Variants in KIF13B observed in about 807,000 individuals in gnomAD.
The protein encoded by KIF13B is kinesin family member 13B.
In KIF13B, 127 loss-of-function variants were observed where a neutral mutation model predicts 222.0. The observed-to-expected ratio is 0.57, with a 90% CI of 0.50 to 0.66. The LOEUF is 0.66. Ranked by LOEUF, KIF13B falls within the 30% of genes least tolerant of loss-of-function variation. The pLI is 0.00. For missense variants in KIF13B, 2,173 were observed against 2,379.0 expected, an observed-to-expected ratio of 0.91 and a Z score of 1.80; for synonymous variants, 976 against 919.0, an observed-to-expected ratio of 1.06 and a Z score of -1.12.
rs1586889696 is a variant in KIF13B at position 29,180,370 on chromosome 8, C to T, written c.586-132G>A. On this transcript the variant is annotated intron_variant, in intron 7 of 39. Coordinates refer to ENST00000524189, the MANE Select transcript of KIF13B (RefSeq NM_015254.4). ...CATTTGGAGTTAACATTTTGTTTCT[C>T]AATGAATATTGAGCCCCATGGAGTA... 3.3e-6 allele frequency: 3 copies of T among 918,438 alleles called. No individual in the cohort carries two copies. In the East Asian group the frequency reaches 7.3e-5, roughly 22 times the overall value. 56.9% of individuals were successfully genotyped at this position (918,438 alleles called of 1,614,324 possible).
At chr8:29,190,906 TGG>T in intron 4 of KIF13B, 89 bp downstream of exon 4, 2 of 933,144 alleles carry the variant, frequency 2.1e-6, no homozygotes, top group Non-Finnish European at 3.6e-6. Context: ...ACACACAGTT[TGG>T]GGGGTTTGCC....
chr8:29,261,022 C>G (rs1342415700), intron 1 of KIF13B, among the ~76,000 whole-genome samples: 1 of 152,118 alleles, frequency 6.6e-6, no homozygotes, highest in Admixed American at 6.6e-5. Context: ...TTTATGTGAA[C>G]AATTACTTCA....
intron 2 of KIF13B, among the ~76,000 whole-genome samples, chr8:29,220,834 T>A (rs1170762648): frequency 6.6e-6 from 1 of 152,146 alleles, no homozygotes; most frequent in Non-Finnish European, 1.5e-5. Context: ...TATCAATACG[T>A]TATGTAAAAA....
Position 29,088,606 on chromosome 8 carries a change from T to TCA in KIF13B, c.4458+4137_4458+4138dup, listed in dbSNP as rs141835109. Among the ~76,000 whole-genome samples, 1,462 of 152,264 alleles carry TCA rather than the reference T, an allele frequency of 9.6e-3. 19 individuals are homozygous for TCA. The highest frequency in any genetic ancestry group is 0.033 in the African/African-American group (1,373 of 41,536). On this transcript the variant is annotated intron_variant, in intron 37 of 39. Coordinates refer to ENST00000524189, the MANE Select transcript of KIF13B (RefSeq NM_015254.4). Reference sequence around the variant, plus strand: ...ATTGTGAAAATCACAAATCTGATTTTCAAGTGCATGGAACTCCATTATAAC... The same window carrying TCA: ...ATTGTGAAAATCACAAATCTGATTTTCACAAGTGCATGGAACTCCATTATAAC...
intron 21 of KIF13B, among the ~76,000 whole-genome samples, chr8:29,137,400 TC>T (rs757264803): frequency 6.6e-6 from 1 of 152,194 alleles, no homozygotes; most frequent in Non-Finnish European, 1.5e-5. Context: ...ATCACAGACT[TC>T]AACTTGCAGC....
chr8:29,245,655 C>T (rs1285587562), intron 1 of KIF13B, among the ~76,000 whole-genome samples: 1 of 152,182 alleles, frequency 6.6e-6, no homozygotes, highest in Non-Finnish European at 1.5e-5. Context: ...GCTTCCCACC[C>T]TACATCAGGA....
chr8:29,107,402 C>T (rs1232834702), intron 35 of KIF13B, among the ~76,000 whole-genome samples: 1 of 151,900 alleles, frequency 6.6e-6, no homozygotes, highest in African/African-American at 2.4e-5. Flanking sequence ...GTGGCATGCA[C>T]CTGTAATCCC....
rs753904519 is a variant in KIF13B, at chr8:29,118,875, T to C, written c.3653A>G (p.Asp1218Gly). ...AAGTTAGGCTTTCCTTACCTCCCCA[T>C]CATGCTGCTTCACAATCTGCAATTC... ...FFELQIVKQH[D>G]GEVKAEASWD... The change falls in exon 30 of 40, where the codon GAT (aspartate) becomes GGT (glycine). Residue 1218 changes from aspartate to glycine, a missense_variant. By Grantham distance (94) the Asp-to-Gly change is moderately conservative. Around this residue, in one of 2 missense-constraint regions of KIF13B, gnomAD observed 1,480 missense variants for 1,722.8 expected, o/e 0.86. Transcript: ENST00000524189. 6.2e-7 allele frequency: 1 copy of C among 1,613,894 alleles called. No individual in the cohort carries two copies. Among genetic ancestry groups the C allele is most frequent in the South Asian group, 1.1e-5 (1 of 91,056 alleles).
At chr8:29,243,724 A>G (rs1056705468) in intron 2 of KIF13B, among the ~76,000 whole-genome samples, 2 of 152,186 alleles carry the variant, frequency 1.3e-5, no homozygotes, top group Non-Finnish European at 2.9e-5. Flanking sequence ...TTGCCATGCT[A>G]GCAACGTTCT....
intron 16 of KIF13B, 71 bp downstream of exon 16, chr8:29,148,506 C>T (rs1811159380): frequency 2.5e-6 from 3 of 1,187,402 alleles, no homozygotes; most frequent in Non-Finnish European, 3.5e-6. Context: ...AACTCCTGGG[C>T]TCAAGCGATC....
At chr8:29,232,725 G>A (rs541053386) in intron 2 of KIF13B, among the ~76,000 whole-genome samples, 1 of 152,046 alleles carries the variant, frequency 6.6e-6, no homozygotes. Context: ...TTTGTCAAAG[G>A]CTTCTTGCTT....
At position 29,119,004 on chromosome 8, in the gene KIF13B, G is replaced by T. The variant is rs1229877528; in HGVS notation, c.3536-12C>A. Reference sequence around the variant, plus strand: ...GCTGAAATCATCAGCTAAAAGCAAAGAAGTTCCATTAAATACTGAGATCAT... The same window carrying T: ...GCTGAAATCATCAGCTAAAAGCAAATAAGTTCCATTAAATACTGAGATCAT... On this transcript the variant is annotated splice_polypyrimidine_tract_variant and intron_variant, in intron 29 of 39. Coordinates refer to ENST00000524189, the MANE Select transcript of KIF13B (RefSeq NM_015254.4). The T allele has an allele frequency of 8.1e-6, 13 of 1,611,178 alleles. No individual in the cohort carries two copies. The highest frequency in any genetic ancestry group is 1.0e-5 in the Non-Finnish European group (12 of 1,179,002).
chr8:29,072,078 T>C lies in KIF13B; in HGVS notation c.4760A>G (p.Asp1587Gly). ...CATGGACCCCGGCGGGGCCGCAGCG[T>C]CCAGGCCGGGGCCCAGGGCGTCCGA... is the stretch of plus-strand genomic sequence containing the variant. ...TLSDALGPGL[D>G]AAAPPGSMPT... The change falls in exon 39 of 40, where the codon GAC becomes GGC. Residue 1587 changes from aspartate (D) to glycine (G), a missense_variant. By Grantham distance (94) the Asp-to-Gly change is moderately conservative. Transcript: ENST00000524189. 1 of 1,333,116 alleles carries C rather than the reference T, an allele frequency of 7.5e-7. No homozygotes were observed. Among genetic ancestry groups the C allele is most frequent in the Non-Finnish European group, 9.6e-7 (1 of 1,040,374 alleles). The allele number at this position is 1,333,116 out of a possible 1,614,324, so 82.6% of individuals were successfully genotyped here.
chr8:29,123,928 G>A (rs1285987373), intron 27 of KIF13B, 96 bp downstream of exon 27: 1 of 731,366 alleles, frequency 1.4e-6, no homozygotes, highest in Non-Finnish European at 2.4e-6. Context: ...TTACTGATGT[G>A]TTCATCTGGT....
intron 21 of KIF13B, 65 bp from the exon 22 acceptor site, chr8:29,134,275 G>T: frequency 6.6e-7 from 1 of 1,515,552 alleles, no homozygotes; most frequent in Non-Finnish European, 9.1e-7. Context: ...CAGAGTTGCA[G>T]GTTCCAGCCC....
At chr8:29,235,711 C>A (rs930139480) in intron 2 of KIF13B, among the ~76,000 whole-genome samples, 1 of 152,152 alleles carries the variant, frequency 6.6e-6, no homozygotes, top group African/African-American at 2.4e-5. Context: ...ATGCCACCTA[C>A]GTAGTGGCAT....
chr8:29,154,984 C>T lies in KIF13B; in HGVS notation c.1535+742G>A, dbSNP rs76903741. On this transcript the variant is annotated intron_variant, in intron 14 of 39. Transcript: ENST00000524189. ...AACATAATTCAGTTAACCACTGTCT[C>T]TAACAGTTACAGACTGTTATACTTC... Among the ~76,000 whole-genome samples the T allele has an allele frequency of 6.5e-3, 992 of 152,278 alleles. 12 individuals carry two copies. The highest frequency in any genetic ancestry group is 0.022 in the African/African-American group (906 of 41,540).
At chr8:29,131,629 T>C (rs2129833239) in intron 23 of KIF13B, among the ~76,000 whole-genome samples, 1 of 152,356 alleles carries the variant, frequency 6.6e-6, no homozygotes, top group Admixed American at 6.5e-5. Context: ...AGCCTACCTC[T>C]TTCCAACACT....
At chr8:29,159,524 G>C (rs1563749985) in intron 13 of KIF13B, among the ~76,000 whole-genome samples, 1 of 152,174 alleles carries the variant, frequency 6.6e-6, no homozygotes, top group Non-Finnish European at 1.5e-5. Flanking sequence ...CAAAAAAGTG[G>C]AATGTGGGAT....
Sources: gnomAD v4.1 joint callset for allele counts (sites outside exome capture counted in the v4.1 genomes callset) on GRCh38, gnomAD v4.1.1 for gene constraint, gnomAD v4.1.1 regional missense constraint, MANE v1.5 for transcripts, NCBI Gene and HGNC (gene_info 2026-07-23, HGNC 2026-07-21) for gene names.